Variants in RORA observed in about 807,000 individuals in gnomAD.
RORA encodes RAR related orphan receptor A, also known as nuclear receptor ROR-alpha.
In RORA, 7 loss-of-function variants were observed where a neutral mutation model predicts 69.5. The ratio of observed to expected loss-of-function variants is 0.10; its 90% CI spans 0.06 to 0.19. The LOEUF (loss-of-function observed/expected upper bound fraction) is 0.19, where lower values mean the gene tolerates loss of function less well. Ranked by LOEUF, RORA falls within the 10% of genes least tolerant of loss-of-function variation. The pLI is 1.00. For missense variants in RORA, 457 were observed against 663.0 expected (o/e 0.69, Z 3.41); for synonymous variants, 261 against 240.8 (o/e 1.08, Z -0.78).
intron 1 of RORA, among the ~76,000 whole-genome samples, chr15:60,887,746 C>T (rs986341629): frequency 2.0e-5 from 3 of 152,148 alleles, no homozygotes; most frequent in African/African-American, 7.2e-5. Context: ...AAGGACTAAT[C>T]CAGGCTGTGG....
chr15:61,212,977 ATT>A (rs977052704), intron 1 of RORA, among the ~76,000 whole-genome samples: 1 of 151,918 alleles, frequency 6.6e-6, no homozygotes, highest in Non-Finnish European at 1.5e-5. Context: ...TGCTATTGCT[ATT>A]TTTTTGTTTT....
At chr15:60,799,533 T>C (rs1357319881) in intron 1 of RORA, among the ~76,000 whole-genome samples, 2 of 152,114 alleles carry the variant, frequency 1.3e-5, no homozygotes, top group Non-Finnish European at 2.9e-5. Flanking sequence ...CCTCTTCTGA[T>C]CGATTCATAT....
chr15:60,711,541 A>G (rs1178188798), intron 1 of RORA, among the ~76,000 whole-genome samples: 1 of 152,100 alleles, frequency 6.6e-6, no homozygotes, highest in Non-Finnish European at 1.5e-5. Context: ...CCTCGCACTC[A>G]CACTGTGAAC....
chr15:60,932,010 T>A lies in RORA; in HGVS notation c.167-253324A>T, dbSNP rs554724915. ...CTAATCCTGAATTCTCAAAGCAATA[T>A]CTAGAAAAATATTGAATCAAGAGTT... is the stretch of plus-strand genomic sequence containing the variant. On this transcript the variant is annotated intron_variant, in intron 1 of 10. Transcript: ENST00000335670. Among the ~76,000 whole-genome samples the A allele has an allele frequency of 1.3e-4, 19 of 151,482 alleles. 1 individual carries two copies. Among genetic ancestry groups the A allele is most frequent in the African/African-American group, 4.6e-4 (19 of 41,464 alleles).
chr15:60,859,671 T>TA (rs1160386330), intron 1 of RORA, among the ~76,000 whole-genome samples: 1 of 149,162 alleles, frequency 6.7e-6, no homozygotes, highest in South Asian at 2.1e-4. Context: ...TTTTTTTTTT[T>TA]AGAGATGGGG....
chr15:61,092,459 C>A (rs1248054519), intron 1 of RORA, among the ~76,000 whole-genome samples: 1 of 152,182 alleles, frequency 6.6e-6, no homozygotes, highest in African/African-American at 2.4e-5. Flanking sequence ...AGCAAAATTA[C>A]TTGGCAAACA....
At chr15:60,791,678 T>G (rs2072419911) in intron 1 of RORA, among the ~76,000 whole-genome samples, 1 of 152,208 alleles carries the variant, frequency 6.6e-6, no homozygotes, top group African/African-American at 2.4e-5. Context: ...TGCAAAAATA[T>G]ATGTGCATGA....
intron 1 of RORA, among the ~76,000 whole-genome samples, chr15:60,726,687 G>A (rs950683651): frequency 3.3e-5 from 5 of 152,220 alleles, no homozygotes. Context: ...GCGCCACTGT[G>A]TCTAGGGGCG....
intron 1 of RORA, among the ~76,000 whole-genome samples, chr15:60,856,096 C>T (rs1423185501): frequency 6.6e-6 from 1 of 152,126 alleles, no homozygotes; most frequent in African/African-American, 2.4e-5. Context: ...TATGGTGGCC[C>T]TGCTGATCCA....
intron 1 of RORA, among the ~76,000 whole-genome samples, chr15:60,688,270 T>A (rs1310355464): frequency 6.6e-6 from 1 of 151,598 alleles, no homozygotes; most frequent in Admixed American, 6.6e-5. Context: ...GAAAAAAAAA[T>A]GTATAGAAAA....
At chr15:61,070,947 G>T (rs2078333470) in intron 1 of RORA, among the ~76,000 whole-genome samples, 1 of 151,768 alleles carries the variant, frequency 6.6e-6, no homozygotes, top group South Asian at 2.1e-4. Flanking sequence ...AACATAAGCG[G>T]TTTACATATT....
chr15:60,776,416 AG>A (rs2072167634), intron 1 of RORA, among the ~76,000 whole-genome samples: 1 of 152,198 alleles, frequency 6.6e-6, no homozygotes, highest in East Asian at 1.9e-4. Context: ...AAGACGCAAA[AG>A]GCTGCCTGCT....
chr15:60,906,237 T>C (rs1891536766), intron 1 of RORA, among the ~76,000 whole-genome samples: 1 of 152,192 alleles, frequency 6.6e-6, no homozygotes, highest in African/African-American at 2.4e-5. Context: ...ATAGCAACTG[T>C]ACCGACAAAA....
chr15:60,828,926 A>G (rs1281465658), intron 1 of RORA, among the ~76,000 whole-genome samples: 1 of 152,192 alleles, frequency 6.6e-6, no homozygotes, highest in Non-Finnish European at 1.5e-5. Context: ...ATATCCAAAG[A>G]GTTGCTCATT....
intron 1 of RORA, among the ~76,000 whole-genome samples, chr15:60,835,242 A>G (rs1188263742): frequency 6.6e-6 from 1 of 152,208 alleles, no homozygotes; most frequent in Non-Finnish European, 1.5e-5. Flanking sequence ...AAGGGGCCCT[A>G]AAGGAGATCA....
intron 1 of RORA, among the ~76,000 whole-genome samples, chr15:60,771,439 C>T (rs934344463): frequency 2.6e-5 from 4 of 152,240 alleles, no homozygotes; most frequent in Admixed American, 2.6e-4. Flanking sequence ...CAAGAGGACA[C>T]AAGCTCTTGG....
At chr15:61,157,316 G>A (rs984564041) in intron 1 of RORA, among the ~76,000 whole-genome samples, 2 of 152,128 alleles carry the variant, frequency 1.3e-5, no homozygotes, top group African/African-American at 4.8e-5. Context: ...CCTCTGTGTT[G>A]GGCATGACAC....
intron 1 of RORA, among the ~76,000 whole-genome samples, chr15:61,184,311 C>G (rs946609425): frequency 6.6e-6 from 1 of 152,316 alleles, no homozygotes; most frequent in Admixed American, 6.5e-5. Context: ...CTCTTCACCT[C>G]CTTTTCAGTC....
chr15:60,944,365 C>A (rs1892798666), intron 1 of RORA, among the ~76,000 whole-genome samples: 1 of 152,138 alleles, frequency 6.6e-6, no homozygotes, highest in African/African-American at 2.4e-5. Context: ...AGGGACTCTG[C>A]ACAAACTGCC....
Sources: gnomAD v4.1 joint callset for allele counts (sites outside exome capture counted in the v4.1 genomes callset) on GRCh38, gnomAD v4.1.1 for gene constraint, MANE v1.5 for transcripts, NCBI Gene and HGNC (gene_info 2026-07-23, HGNC 2026-07-21) for gene names.